The following CD177 variants were observed in gnomAD, a reference collection of about 807,000 sequenced individuals.
CD177 encodes the protein CD177 molecule.
In CD177, 41 loss-of-function variants were observed where a neutral mutation model predicts 38.1. That is an observed-to-expected ratio of 1.07 (90% CI 0.84 to 1.39). CD177 has a LOEUF of 1.39. CD177 is among the 40% of genes most tolerant of loss of function. The probability of loss-of-function intolerance (pLI) is 0.00; values close to 1 mark genes in which losing one functional copy is unlikely to be tolerated. For missense variants in CD177, 619 were observed against 523.8 expected (o/e 1.18, Z -1.77); for synonymous variants, 236 against 216.7 (o/e 1.09, Z -0.78).
rs756778800 is a variant in CD177 at position 43,360,332 on chromosome 19, T to C, written c.687T>C (p.Asp229=). ...GAAACTTGGCTCAAGAACCCACTGA[T>C]TGGACCACATCGAATACCGAGATGT... The part of the protein sequence containing the change: ...THGNLAQEPT[D]WTTSNTEMCE... Residue 229 remains aspartate (D), a synonymous_variant, in exon 6 of 9, where the codon GAT becomes GAC. Transcript: ENST00000618265. The C allele has an allele frequency of 1.5e-5, 24 of 1,612,682 alleles. No individual in the cohort carries two copies. In the Admixed American group the frequency reaches 1.7e-4, roughly 11 times the overall value.
intron 6 of CD177, 123 bp downstream of exon 6, chr19:43,360,528 G>T: frequency 7.3e-6 from 7 of 962,464 alleles, no homozygotes; most frequent in Non-Finnish European, 1.0e-5. Flanking sequence ...TTTTCAATCC[G>T]ACTCTTCTTC....
chr19:43,361,297 C>G lies in CD177; in HGVS notation c.915C>G (p.Ser305Arg). The G allele has an allele frequency of 1.3e-6, 2 of 1,550,362 alleles. No homozygotes were observed. The highest frequency in any genetic ancestry group is 8.9e-7 in the Non-Finnish European group (1 of 1,129,160). Residue 305 changes from serine to arginine, a missense_variant, in exon 7 of 9, where the codon AGC (serine) becomes AGG (arginine). Ser to Arg is a moderately radical substitution (Grantham distance 110, BLOSUM62 -1). Coordinates refer to ENST00000618265, the MANE Select transcript of CD177 (RefSeq NM_020406.4). The stretch of plus-strand genomic sequence containing the variant: ...ACCTGTGCAATAGTGCCAGCAGCAG[C>G]AGCGTTCTGCTGAACTCCCTCCCTC... ...SSDLCNSASS[S>R]SVLLNSLPPQ... is the part of the protein sequence containing the mutation.
chr19:43,360,329 T>G lies in CD177; in HGVS notation c.684T>G (p.Thr228=). Residue 228 remains threonine (T), a synonymous_variant, in exon 6 of 9, where the codon ACT becomes ACG. Coordinates refer to ENST00000618265, the MANE Select transcript of CD177 (RefSeq NM_020406.4). ...MTHGNLAQEP[T]DWTTSNTEMC... Reference sequence around the variant, plus strand: ...ACGGAAACTTGGCTCAAGAACCCACTGATTGGACCACATCGAATACCGAGA... The same window carrying G: ...ACGGAAACTTGGCTCAAGAACCCACGGATTGGACCACATCGAATACCGAGA... 6.2e-7 allele frequency: 1 copy of G among 1,612,984 alleles called. No homozygotes were observed. Among genetic ancestry groups the G allele is most frequent in the African/African-American group, 1.3e-5 (1 of 74,998 alleles).
intron 3 of CD177, 124 bp downstream of exon 3, chr19:43,354,516 C>T (rs1266769521): frequency 1.8e-5 from 17 of 939,822 alleles, no homozygotes; most frequent in African/African-American, 1.8e-4. Context: ...TGGCTCCATC[C>T]CTCCCCTGAC....
At chr19:43,360,231 T>A in intron 5 of CD177, 34 bp from the exon 6 acceptor site, 1 of 1,608,368 alleles carries the variant, frequency 6.2e-7, no homozygotes, top group Non-Finnish European at 8.5e-7. Context: ...GGTGGGTTCC[T>A]GGCTTACACA....
rs768976586 is a variant in CD177 at position 43,354,328 on chromosome 19, C to T, written c.315C>T (p.Arg105=). The change falls in exon 3 of 9, where the codon CGC becomes CGT. Residue 105 remains arginine (R), a synonymous_variant. Coordinates refer to ENST00000618265, the MANE Select transcript of CD177 (RefSeq NM_020406.4). Reference sequence around the variant, plus strand: ...TGATCTCCTACACCTTCGTGTGCCGCCAGGAGGACTTCTGCAACAACCTCG... The same window carrying T: ...TGATCTCCTACACCTTCGTGTGCCGTCAGGAGGACTTCTGCAACAACCTCG... ...LSLISYTFVC[R]QEDFCNNLVN... 1 of 1,613,956 alleles carries T rather than the reference C, an allele frequency of 6.2e-7. No homozygotes were observed. Among genetic ancestry groups the T allele is most frequent in the South Asian group, 1.1e-5 (1 of 91,084 alleles).
chr19:43,355,892 A>G lies in CD177; in HGVS notation c.503-100A>G. Reference sequence around the variant, plus strand: ...AGCTGAGGCACGGCATGAGACCCAGAGGAGGGTGGGCCTGGCTTCCTGGAG... The same window carrying G: ...AGCTGAGGCACGGCATGAGACCCAGGGGAGGGTGGGCCTGGCTTCCTGGAG... On this transcript the variant is annotated intron_variant, in intron 4 of 8. Coordinates refer to ENST00000618265, the MANE Select transcript of CD177 (RefSeq NM_020406.4). 5 of 1,512,566 alleles carry G rather than the reference A, an allele frequency of 3.3e-6. No individual in the cohort carries two copies. The Admixed American group carries it at 8.6e-5, about 26-fold the overall frequency. The allele number at this position is 1,512,566 out of a possible 1,614,324, so 93.7% of individuals were successfully genotyped here.
chr19:43,362,056 G>C (rs746530573), intron 8 of CD177, 32 bp from the exon 9 acceptor site: 60 of 1,593,470 alleles, frequency 3.8e-5, no homozygotes, highest in Non-Finnish European at 5.0e-5. Flanking sequence ...GCTGTACTCT[G>C]TGTCCTTTCT....
At chr19:43,365,808 G>C (rs969571504), downstream of CD177, among the ~76,000 whole-genome samples, 1 of 151,962 alleles carries the variant, frequency 6.6e-6, no homozygotes, top group African/African-American at 2.4e-5. Context: ...AGATGTGGTA[G>C]AGGGAGGGGC....
Position 43,362,464 on chromosome 19 carries a change from A to C in CD177, c.*144A>C. ...TCCCCACACACAATCATTCATATCT[A>C]CTCACCTAACAGCAACACTGGGGAG... On this transcript the variant is annotated 3_prime_UTR_variant, in exon 9 of 9. Transcript: ENST00000618265. 1 of 555,698 alleles carries C rather than the reference A, an allele frequency of 1.8e-6. No homozygotes were observed. Among genetic ancestry groups the C allele is most frequent in the Non-Finnish European group, 3.2e-6 (1 of 312,288 alleles). 34.4% of individuals were successfully genotyped at this position (555,698 alleles called of 1,614,324 possible). A position where few individuals can be genotyped will look rare whatever the true frequency, so the allele number is the denominator to read the frequency against.
At position 43,362,297 on chromosome 19, in the gene CD177, G is replaced by A. The variant is rs78718189; in HGVS notation, c.1291G>A (p.Gly431Arg). Reference protein sequence around the residue: ...GLALAPALWWGVVCPSC With the variant: ...GLALAPALWWRVVCPSC The stretch of plus-strand genomic sequence containing the variant: ...GGCACTGGCCCCAGCGCTGTGGTGG[G>A]GAGTGGTTTGCCCTTCCTGCTAACT... The change falls in exon 9 of 9, where the codon GGA becomes AGA. Residue 431 changes from glycine (G) to arginine (R), a missense_variant. Gly to Arg is a moderately radical substitution (Grantham distance 125). Coordinates refer to ENST00000618265, the MANE Select transcript of CD177 (RefSeq NM_020406.4). The A allele has an allele frequency of 0.089, 139,529 of 1,563,018 alleles. 7,219 individuals are homozygous for A. Among genetic ancestry groups the A allele is most frequent in the Non-Finnish European group, 0.11 (122,392 of 1,138,792 alleles).
At chr19:43,364,467 G>A (rs1264579684), downstream of CD177, among the ~76,000 whole-genome samples, 2 of 152,070 alleles carry the variant, frequency 1.3e-5, no homozygotes, top group Admixed American at 6.6e-5. Flanking sequence ...CCTGGCCAAG[G>A]AAATGTTACC....
At chr19:43,354,535 G>T in intron 3 of CD177, 143 bp downstream of exon 3, 1 of 806,596 alleles carries the variant, frequency 1.2e-6, no homozygotes, top group South Asian at 1.6e-5. Context: ...ACTGCTCCCT[G>T]ACCATCGCCC....
chr19:43,354,133 C>T (rs929685967), intron 2 of CD177, 74 bp from the exon 3 acceptor site: 6 of 1,563,416 alleles, frequency 3.8e-6, no homozygotes, highest in South Asian at 1.2e-5. Context: ...CAGCCTACGC[C>T]GTGTAGCAGC....
At chr19:43,355,457 C>T (rs1293467650) in intron 3 of CD177, 4 of 589,732 alleles carry the variant, frequency 6.8e-6, no homozygotes, top group Non-Finnish European at 1.2e-5. Context: ...ACCCAGACCT[C>T]CTGTTCATTC....
Position 43,355,707 on chromosome 19 carries a change from T to C in CD177, c.426T>C (p.Cys142=), listed in dbSNP as rs1360777459. ...RCPVCLSMEG[C]LEGTTEEICP... ...CAGTCTGCTTGTCTATGGAAGGCTG[T>C]CTGGAGGGGACAACAGAAGAGATCT... is the stretch of plus-strand genomic sequence containing the variant. Residue 142 remains cysteine (C), a synonymous_variant, in exon 4 of 9, where the codon TGT becomes TGC. Transcript: ENST00000618265. 1.9e-6 allele frequency: 3 copies of C among 1,612,958 alleles called. No individual in the cohort carries two copies. The Admixed American group carries it at 5.0e-5, about 27-fold the overall frequency.
At chr19:43,363,933 A>T (rs1303695266), downstream of CD177, among the ~76,000 whole-genome samples, 3 of 152,250 alleles carry the variant, frequency 2.0e-5, no homozygotes, top group Middle Eastern at 0.01. Context: ...ACAAAAAAAT[A>T]CAAAAAATAA....
intron 4 of CD177, 95 bp downstream of exon 4, chr19:43,355,878 G>A (rs73039860): frequency 0.077 from 119,064 of 1,549,584 alleles, 7,261 homozygotes; most frequent in East Asian, 0.26. Context: ...GCTGAGGCAC[G>A]GCATGAGACC....
chr19:43,361,329 G>T lies in CD177; in HGVS notation c.946+1G>T. ...CTGCTGAACTCCCTCCCTCCTCAAG[G>T]TATGGGATCCAGGGCCGTGGAGAAA... On this transcript the variant is annotated splice_donor_variant, in intron 7 of 8. Coordinates refer to ENST00000618265, the MANE Select transcript of CD177 (RefSeq NM_020406.4). LOFTEE classifies it high-confidence loss of function. The T allele has an allele frequency of 1.3e-6, 2 of 1,556,296 alleles. No individual in the cohort carries two copies. Among genetic ancestry groups the T allele is most frequent in the Non-Finnish European group, 1.8e-6 (2 of 1,132,980 alleles).
Sources: gnomAD v4.1 joint callset for allele counts (sites outside exome capture counted in the v4.1 genomes callset) on GRCh38, gnomAD v4.1.1 for gene constraint, MANE v1.5 for transcripts, NCBI Gene and HGNC (gene_info 2026-07-23, HGNC 2026-07-21) for gene names.